Variants in NTNG1 observed in about 807,000 individuals in gnomAD.
The protein encoded by NTNG1 is netrin G1.
In NTNG1, 16 loss-of-function variants were observed where a neutral mutation model predicts 54.0. The observed-to-expected ratio is 0.30, with a 90% CI of 0.20 to 0.45. NTNG1 has a LOEUF of 0.45. Ranked by LOEUF, NTNG1 falls within the 20% of genes least tolerant of loss-of-function variation. The probability of loss-of-function intolerance (pLI) is 1.00; values close to 1 mark genes in which losing one functional copy is unlikely to be tolerated. For synonymous variants in NTNG1, 255 were observed against 263.1 expected (o/e 0.97, Z 0.30); for missense variants, 530 against 678.7 (o/e 0.78, Z 2.43).
At chr1:107,418,590 G>A (rs755924739) in intron 5 of NTNG1, 38 of 1,602,424 alleles carry the variant, frequency 2.4e-5, no homozygotes, top group Non-Finnish European at 3.1e-5. Flanking sequence ...ATCCTCCAAA[G>A]TTTAATAGGA....
At chr1:107,339,258 C>A (rs1438050312) in intron 3 of NTNG1, among the ~76,000 whole-genome samples, 1 of 152,016 alleles carries the variant, frequency 6.6e-6, no homozygotes, top group Non-Finnish European at 1.5e-5. Context: ...GGGAAGTCAA[C>A]AGGTTACAAT....
At chr1:107,474,972 G>A (rs759878204) in intron 7 of NTNG1, among the ~76,000 whole-genome samples, 8 of 152,158 alleles carry the variant, frequency 5.3e-5, no homozygotes, top group Non-Finnish European at 8.8e-5. Context: ...TGTAAATGCA[G>A]ACATATTTGC....
intron 1 of NTNG1, among the ~76,000 whole-genome samples, chr1:107,143,874 G>A (rs1209702402): frequency 6.6e-6 from 1 of 152,050 alleles, no homozygotes; most frequent in East Asian, 1.9e-4. Context: ...TGCAAAACAT[G>A]TGCTATCTAA....
intron 7 of NTNG1, among the ~76,000 whole-genome samples, chr1:107,445,403 T>TCA (rs1306490622): frequency 1.3e-5 from 2 of 152,116 alleles, no homozygotes; most frequent in Non-Finnish European, 2.9e-5. Context: ...GACTTATTTC[T>TCA]AGTAAAGAAT....
intron 2 of NTNG1, among the ~76,000 whole-genome samples, chr1:107,292,719 G>C (rs1373910302): frequency 6.6e-6 from 1 of 152,074 alleles, no homozygotes; most frequent in Non-Finnish European, 1.5e-5. Context: ...CACTGCACAT[G>C]CTCACCTCTC....
chr1:107,372,526 A>AACATACAT (rs1397423103), intron 3 of NTNG1, among the ~76,000 whole-genome samples: 2 of 152,090 alleles, frequency 1.3e-5, no homozygotes, highest in Non-Finnish European at 2.9e-5. Flanking sequence ...ATAATCAGAG[A>AACATACAT]ACATACATTG....
chr1:107,170,387 ATT>A (rs1347959689), intron 2 of NTNG1, among the ~76,000 whole-genome samples: 3 of 152,222 alleles, frequency 2.0e-5, no homozygotes, highest in African/African-American at 7.2e-5. Context: ...GTACCCATCT[ATT>A]ATTTTATTTA....
intron 2 of NTNG1, among the ~76,000 whole-genome samples, chr1:107,320,140 A>G (rs901322770): frequency 2.6e-5 from 4 of 152,186 alleles, no homozygotes; most frequent in African/African-American, 9.6e-5. Flanking sequence ...GAAATTAAAC[A>G]TCACAATCTT....
intron 3 of NTNG1, among the ~76,000 whole-genome samples, chr1:107,379,438 T>C (rs1482535828): frequency 6.6e-6 from 1 of 152,166 alleles, no homozygotes. Context: ...AAGTTTAAAA[T>C]TGTGTCCAAA....
intron 2 of NTNG1, among the ~76,000 whole-genome samples, chr1:107,201,742 T>TAATTGTTA (rs1658772314): frequency 6.6e-6 from 1 of 151,940 alleles, no homozygotes; most frequent in Non-Finnish European, 1.5e-5. Flanking sequence ...AGATAACATG[T>TAATTGTTA]AACCTGTTAA....
At chr1:107,201,605 T>C (rs1189113727) in intron 2 of NTNG1, among the ~76,000 whole-genome samples, 1 of 151,856 alleles carries the variant, frequency 6.6e-6, no homozygotes, top group Non-Finnish European at 1.5e-5. Flanking sequence ...ATATTGTAGA[T>C]GATTAGGTTG....
chr1:107,276,826 CTT>C (rs11329482), intron 2 of NTNG1, among the ~76,000 whole-genome samples: 20 of 145,456 alleles, frequency 1.4e-4, no homozygotes, highest in African/African-American at 2.7e-4. Context: ...AAATTTTCTT[CTT>C]TTTTTTTTTT....
At chr1:107,362,486 T>G (rs12406016) in intron 3 of NTNG1, among the ~76,000 whole-genome samples, 14,288 of 152,252 alleles carry the variant, frequency 0.094, 832 homozygotes, top group Admixed American at 0.18. Flanking sequence ...ACTATGGGGT[T>G]GCCGGATCTA....
chr1:107,259,795 C>A (rs1202677919), intron 2 of NTNG1, among the ~76,000 whole-genome samples: 3 of 152,148 alleles, frequency 2.0e-5, no homozygotes, highest in Admixed American at 2.0e-4. Context: ...CTTTCGCAGA[C>A]TGATTTCTTT....
chr1:107,364,932 A>G (rs1292070423), intron 3 of NTNG1, among the ~76,000 whole-genome samples: 1 of 152,240 alleles, frequency 6.6e-6, no homozygotes, highest in East Asian at 1.9e-4. Flanking sequence ...TTCCCAAAGT[A>G]TAGCACTTGT....
chr1:107,151,575 C>A (rs983215281), intron 2 of NTNG1, among the ~76,000 whole-genome samples: 11 of 152,108 alleles, frequency 7.2e-5, no homozygotes, highest in Non-Finnish European at 1.5e-4. Flanking sequence ...TAGTGACACT[C>A]CTATTAGCTG....
intron 2 of NTNG1, among the ~76,000 whole-genome samples, chr1:107,217,292 C>A (rs1660034815): frequency 6.6e-6 from 1 of 152,094 alleles, no homozygotes; most frequent in Admixed American, 6.6e-5. Context: ...GTTGTAATAT[C>A]TTCCATTTCA....
In NTNG1 at chr1:107,224,935, T is replaced by C. The variant is rs139341384; in HGVS notation, c.246+76096T>C. Among the ~76,000 whole-genome samples, 885 of 152,274 alleles carry C rather than the reference T, an allele frequency of 5.8e-3. 4 individuals carry two copies. The highest frequency in any genetic ancestry group is 0.013 in the South Asian group (62 of 4,824). The stretch of plus-strand genomic sequence containing the variant: ...CTAAGGCTCAGTTTCTCAACTGTTG[T>C]ATAAAAGTCACTTCCTTTATAAGGT... On this transcript the variant is annotated intron_variant, in intron 2 of 7. Coordinates refer to ENST00000370068, the MANE Select transcript of NTNG1 (RefSeq NM_001113226.3).
intron 2 of NTNG1, among the ~76,000 whole-genome samples, chr1:107,163,450 C>T (rs1053408228): frequency 7.2e-5 from 11 of 151,968 alleles, no homozygotes; most frequent in Admixed American, 2.0e-4. Context: ...TGTACAAGTC[C>T]TTCTGATGCT....
Sources: gnomAD v4.1 joint callset for allele counts (sites outside exome capture counted in the v4.1 genomes callset) on GRCh38, gnomAD v4.1.1 for gene constraint, MANE v1.5 for transcripts, NCBI Gene and HGNC (gene_info 2026-07-23, HGNC 2026-07-21) for gene names.